Variants in MAP3K13 observed in about 807,000 individuals in gnomAD.
MAP3K13 encodes the protein leucine zipper-bearing kinase.
A neutral mutation model predicts 104.0 loss-of-function variants in MAP3K13; 52 were observed. The ratio of observed to expected loss-of-function variants is 0.50; its 90% CI spans 0.40 to 0.63. The LOEUF is 0.63. Among genes scored for constraint, MAP3K13 ranks in the 20% least tolerant of loss-of-function variants. The probability of loss-of-function intolerance (pLI) is 0.00; values close to 1 mark genes in which losing one functional copy is unlikely to be tolerated. For synonymous variants in MAP3K13, 394 were observed against 442.2 expected, an observed-to-expected ratio of 0.89 and a Z score of 1.37; for missense variants, 914 against 1,218.5, an observed-to-expected ratio of 0.75 and a Z score of 3.72.
chr3:185,329,540 G>A (rs1459433733), intron 2 of MAP3K13, among the ~76,000 whole-genome samples: 2 of 152,236 alleles, frequency 1.3e-5, no homozygotes, highest in African/African-American at 4.8e-5. Context: ...GAAGTGGCAA[G>A]CAGCCTGAGG....
At chr3:185,374,292 G>A (rs1189832307) in intron 1 of MAP3K13, among the ~76,000 whole-genome samples, 1 of 152,116 alleles carries the variant, frequency 6.6e-6, no homozygotes, top group African/African-American at 2.4e-5. Flanking sequence ...TAAAGTGTTG[G>A]GGTGGCGAAA....
At position 185,434,917 on chromosome 3, in the gene MAP3K13, G is replaced by A. The variant is rs184061949; in HGVS notation, c.476-2530G>A. ...TGCTCAGTTATGTTCTTGCCCCAGA[G>A]TCCAGTAATAATACTTTATTCAGCC... On this transcript the variant is annotated intron_variant, in intron 2 of 13. Coordinates refer to ENST00000265026, the MANE Select transcript of MAP3K13 (RefSeq NM_004721.5). Among the ~76,000 whole-genome samples the A allele has an allele frequency of 3.8e-3, 579 of 152,226 alleles. 4 individuals are homozygous for A. Among genetic ancestry groups the A allele is most frequent in the African/African-American group, 0.013 (534 of 41,562 alleles).
chr3:185,362,241 G>C (rs1227526360), upstream of MAP3K13, among the ~76,000 whole-genome samples: 3 of 152,122 alleles, frequency 2.0e-5, no homozygotes, highest in Non-Finnish European at 4.4e-5. Flanking sequence ...GTGTAGTGAT[G>C]GGGAGTAGGG....
intron 9 of MAP3K13, among the ~76,000 whole-genome samples, chr3:185,466,322 G>A (rs542850694): frequency 5.6e-4 from 85 of 151,154 alleles, no homozygotes; most frequent in African/African-American, 1.9e-3. Context: ...CTCAGTGCAT[G>A]AGCTGAAGAG....
intron 2 of MAP3K13, among the ~76,000 whole-genome samples, chr3:185,330,972 T>G (rs1378938517): frequency 1.3e-5 from 2 of 152,144 alleles, no homozygotes; most frequent in African/African-American, 2.4e-5. Context: ...CTTCCCAGCC[T>G]TCATTCGGGT....
At chr3:185,287,433 A>G (rs1720560270) in intron 2 of MAP3K13, among the ~76,000 whole-genome samples, 1 of 152,184 alleles carries the variant, frequency 6.6e-6, no homozygotes, top group African/African-American at 2.4e-5. Context: ...ATAATTGGCA[A>G]TCTCATTTTG....
chr3:185,448,105 T>A, intron 5 of MAP3K13, 158 bp downstream of exon 5: 1 of 845,144 alleles, frequency 1.2e-6, no homozygotes, highest in Non-Finnish European at 2.1e-6. Flanking sequence ...CTTCCCAGTA[T>A]GGTGATATAT....
At chr3:185,290,565 G>A (rs547762442) in intron 2 of MAP3K13, among the ~76,000 whole-genome samples, 174 of 152,278 alleles carry the variant, frequency 1.1e-3, no homozygotes, top group African/African-American at 4.1e-3. Flanking sequence ...AACCAATTTT[G>A]TAGAGTGGTG....
intron 1 of MAP3K13, among the ~76,000 whole-genome samples, chr3:185,397,171 GT>G (rs1712476002): frequency 6.6e-6 from 1 of 152,156 alleles, no homozygotes; most frequent in African/African-American, 2.4e-5. Context: ...TCTGATAGAT[GT>G]GCCCCACATT....
intron 2 of MAP3K13, among the ~76,000 whole-genome samples, chr3:185,330,452 C>T (rs1722223632): frequency 6.6e-6 from 1 of 152,072 alleles, no homozygotes; most frequent in African/African-American, 2.4e-5. Flanking sequence ...AACCTTAACT[C>T]ACCCTCTAGC....
At chr3:185,377,907 G>A (rs966996622) in intron 1 of MAP3K13, among the ~76,000 whole-genome samples, 7 of 152,216 alleles carry the variant, frequency 4.6e-5, no homozygotes, top group African/African-American at 1.4e-4. Flanking sequence ...TTCCAGTGGG[G>A]TCCCGCACAG....
At chr3:185,361,035 C>T (rs1577463270), upstream of MAP3K13, among the ~76,000 whole-genome samples, 1 of 151,132 alleles carries the variant, frequency 6.6e-6, no homozygotes, top group African/African-American at 2.4e-5. Flanking sequence ...CCATGTTGGC[C>T]AGGCTTGTCT....
intron 1 of MAP3K13, among the ~76,000 whole-genome samples, chr3:185,420,439 T>TAG (rs1714050184): frequency 6.6e-6 from 1 of 152,232 alleles, no homozygotes; most frequent in South Asian, 2.1e-4. Flanking sequence ...ACAAGTAAAG[T>TAG]AATCTAAGTT....
At chr3:185,404,297 A>C (rs906770939) in intron 1 of MAP3K13, among the ~76,000 whole-genome samples, 1 of 152,270 alleles carries the variant, frequency 6.6e-6, no homozygotes, top group Non-Finnish European at 1.5e-5. Flanking sequence ...AGCAGAAAAT[A>C]GCATTGTAAG....
chr3:185,457,784 T>C (rs1292620761), intron 7 of MAP3K13, among the ~76,000 whole-genome samples: 1 of 152,204 alleles, frequency 6.6e-6, no homozygotes, highest in East Asian at 1.9e-4. Flanking sequence ...ATTTTCTCGG[T>C]ATTTATAAGT....
chr3:185,288,534 T>TATGTG (rs57631600), intron 2 of MAP3K13, among the ~76,000 whole-genome samples: 1 of 148,050 alleles, frequency 6.8e-6, no homozygotes, highest in Non-Finnish European at 1.5e-5. Context: ...GTGTGTGTGT[T>TATGTG]TGTGTGTATA....
At chr3:185,441,716 A>T (rs1715331070) in intron 3 of MAP3K13, among the ~76,000 whole-genome samples, 1 of 152,090 alleles carries the variant, frequency 6.6e-6, no homozygotes, top group South Asian at 2.1e-4. Flanking sequence ...CAGCCTGGGC[A>T]ACATGATGAA....
intron 1 of MAP3K13, among the ~76,000 whole-genome samples, chr3:185,284,622 C>G (rs1432759629): frequency 6.6e-6 from 1 of 151,762 alleles, no homozygotes; most frequent in Admixed American, 6.6e-5. Context: ...AGCTGAGGCG[C>G]GAGAATCGCT....
At chr3:185,322,843 A>C (rs1241295993) in intron 2 of MAP3K13, among the ~76,000 whole-genome samples, 1 of 151,814 alleles carries the variant, frequency 6.6e-6, no homozygotes. Flanking sequence ...AGTATTTTTT[A>C]TTTTTTCTTT....
Sources: allele counts gnomAD v4.1 joint callset (sites outside exome capture counted in the v4.1 genomes callset), GRCh38; gene constraint gnomAD v4.1.1; transcripts MANE v1.5; gene names NCBI Gene and HGNC (gene_info 2026-07-23, HGNC 2026-07-21).